Variants in ERC2 observed in about 807,000 individuals in gnomAD.
ERC2 encodes ELKS/RAB6-interacting/CAST family member 2, also known as ERC protein 2.
A neutral mutation model predicts 114.8 loss-of-function variants in ERC2; 42 were observed. That is an observed-to-expected ratio of 0.37 (90% CI 0.29 to 0.47). The LOEUF (loss-of-function observed/expected upper bound fraction) is 0.47. Among genes scored for constraint, ERC2 ranks in the 20% least tolerant of loss-of-function variants. The probability of loss-of-function intolerance (pLI) is 0.99; values close to 1 mark genes in which losing one functional copy is unlikely to be tolerated. For synonymous variants in ERC2, 454 were observed against 425.5 expected (o/e 1.07, Z -0.82); for missense variants, 939 against 1,150.7 (o/e 0.82, Z 2.66).
chr3:55,851,300 T>C (rs2061562287), intron 14 of ERC2, among the ~76,000 whole-genome samples: 1 of 152,158 alleles, frequency 6.6e-6, no homozygotes, highest in Non-Finnish European at 1.5e-5. Flanking sequence ...CCAGGCTTTA[T>C]TCTCAGCATT....
chr3:55,906,664 G>T (rs1449424964), intron 13 of ERC2, among the ~76,000 whole-genome samples: 1 of 152,082 alleles, frequency 6.6e-6, no homozygotes, highest in Non-Finnish European at 1.5e-5. Context: ...ACACAATATT[G>T]CCCACTTTCC....
chr3:56,322,415 C>T (rs1404837358), intron 2 of ERC2, among the ~76,000 whole-genome samples: 1 of 152,134 alleles, frequency 6.6e-6, no homozygotes, highest in African/African-American at 2.4e-5. Flanking sequence ...TGGGATGGCC[C>T]TGGAATGGCT....
intron 3 of ERC2, among the ~76,000 whole-genome samples, chr3:56,263,343 C>T (rs2053072814): frequency 6.8e-6 from 1 of 148,140 alleles, no homozygotes; most frequent in Non-Finnish European, 1.5e-5. Context: ...TAAGTAGCCT[C>T]AACAATACAG....
chr3:55,847,667 A>C (rs2061421262), intron 14 of ERC2, among the ~76,000 whole-genome samples: 1 of 149,780 alleles, frequency 6.7e-6, no homozygotes, highest in East Asian at 1.9e-4. Flanking sequence ...GGGAGGACAG[A>C]TGAAAAAAAG....
intron 14 of ERC2, among the ~76,000 whole-genome samples, chr3:55,863,655 AGC>A (rs2062122278): frequency 6.6e-6 from 1 of 152,198 alleles, no homozygotes; most frequent in African/African-American, 2.4e-5. Context: ...TGTCTGTAGC[AGC>A]ACTGTCAAAT....
chr3:55,556,056 T>C (rs773834394), intron 17 of ERC2, among the ~76,000 whole-genome samples: 8 of 152,192 alleles, frequency 5.3e-5, no homozygotes, highest in Non-Finnish European at 1.0e-4. Context: ...GAGGAAGCTC[T>C]GCCTCCTTAA....
chr3:55,603,600 T>C (rs986196890), intron 17 of ERC2, among the ~76,000 whole-genome samples: 1 of 142,628 alleles, frequency 7.0e-6, no homozygotes, highest in African/African-American at 2.6e-5. Flanking sequence ...GCTGAGATAG[T>C]GCCACTGCAC....
At chr3:56,199,137 C>A (rs1024813654) in intron 3 of ERC2, among the ~76,000 whole-genome samples, 2 of 152,118 alleles carry the variant, frequency 1.3e-5, no homozygotes, top group African/African-American at 2.4e-5. Flanking sequence ...AACAAGGAAG[C>A]AAATTTTAAC....
chr3:56,259,459 G>A (rs1465554014), intron 3 of ERC2, among the ~76,000 whole-genome samples: 1 of 151,950 alleles, frequency 6.6e-6, no homozygotes, highest in Non-Finnish European at 1.5e-5. Context: ...TGTGTAAGTA[G>A]CCAATTTTAT....
At chr3:55,974,189 A>G (rs897013384) in intron 12 of ERC2, among the ~76,000 whole-genome samples, 33 of 152,214 alleles carry the variant, frequency 2.2e-4, no homozygotes, top group African/African-American at 8.0e-4. Context: ...GGAAGATGCT[A>G]CATCTTGATG....
intron 15 of ERC2, among the ~76,000 whole-genome samples, chr3:55,709,310 T>C (rs1481757263): frequency 1.3e-5 from 2 of 152,040 alleles, no homozygotes; most frequent in African/African-American, 4.8e-5. Flanking sequence ...GGCAAGATAA[T>C]TCACAGGGAG....
chr3:56,306,891 C>T (rs770146941), intron 2 of ERC2, among the ~76,000 whole-genome samples: 6 of 152,152 alleles, frequency 3.9e-5, no homozygotes, highest in Admixed American at 6.5e-5. Flanking sequence ...GGATGCAAGA[C>T]CTACCTTACG....
chr3:55,699,573 T>A (rs1054921101), intron 15 of ERC2, 61 bp from the exon 16 acceptor site: 2 of 1,545,762 alleles, frequency 1.3e-6, no homozygotes, highest in Non-Finnish European at 8.8e-7. Flanking sequence ...TCAAAGAGAT[T>A]CAGGGCATAA....
At chr3:55,980,541 A>G (rs943832010) in intron 12 of ERC2, among the ~76,000 whole-genome samples, 8 of 152,230 alleles carry the variant, frequency 5.3e-5, no homozygotes, top group African/African-American at 1.7e-4. Flanking sequence ...AAGAAAAGCC[A>G]TATAAAGGAA....
intron 6 of ERC2, among the ~76,000 whole-genome samples, chr3:56,090,733 C>G (rs979504209): frequency 1.3e-5 from 2 of 150,256 alleles, no homozygotes; most frequent in African/African-American, 4.9e-5. Context: ...GAGTACGCAT[C>G]ACCCAAATAG....
intron 13 of ERC2, among the ~76,000 whole-genome samples, chr3:55,918,882 G>C (rs2065256454): frequency 6.6e-6 from 1 of 150,846 alleles, no homozygotes; most frequent in African/African-American, 2.4e-5. Flanking sequence ...ATTATTTTAA[G>C]CCAGTAAGTT....
rs1299969915 is a variant in ERC2, at chr3:55,720,125, TTCTTCC to T, written c.2712+14640_2712+14645del. Among the ~76,000 whole-genome samples, 60 of 11,936 alleles carry T rather than the reference TTCTTCC, an allele frequency of 5.0e-3. 19 individuals are homozygous for T. Among genetic ancestry groups the T allele is most frequent in the Non-Finnish European group, 7.3e-3 (51 of 6,950 alleles). 7.8% of individuals were successfully genotyped at this position (11,936 alleles called of 152,430 possible). A position where few individuals can be genotyped will look rare whatever the true frequency, so the allele number is the denominator to read the frequency against. On this transcript the variant is annotated intron_variant, in intron 15 of 17. Transcript: ENST00000288221. ...ATCCCCCTCCTCCTCCTCCTCCTTCTTCTTCCTCTTCTTCTTCCTCTTCTTCTTCTT... is the reference window on the plus strand; with the variant it reads ...ATCCCCCTCCTCCTCCTCCTCCTTCTTCTTCTTCTTCCTCTTCTTCTTCTT...
At chr3:55,775,426 G>C (rs1460887034) in intron 14 of ERC2, among the ~76,000 whole-genome samples, 1 of 152,092 alleles carries the variant, frequency 6.6e-6, no homozygotes, top group East Asian at 1.9e-4. Flanking sequence ...GAGCTCTCAG[G>C]AGGATGAGGT....
intron 17 of ERC2, among the ~76,000 whole-genome samples, chr3:55,559,101 C>A (rs1375254402): frequency 6.6e-6 from 1 of 152,248 alleles, no homozygotes; most frequent in Non-Finnish European, 1.5e-5. Context: ...TTCCCTGGAG[C>A]AGGGCATGGC....
Sources: allele counts gnomAD v4.1 joint callset (sites outside exome capture counted in the v4.1 genomes callset), GRCh38; gene constraint gnomAD v4.1.1; transcripts MANE v1.5; gene names NCBI Gene and HGNC (gene_info 2026-07-23, HGNC 2026-07-21).